Variants in PDE1A observed in about 807,000 individuals in gnomAD.
The protein encoded by PDE1A is phosphodiesterase 1A, also known as dual specificity calcium/calmodulin-dependent 3',5'-cyclic nucleotide phosphodiesterase 1A.
In PDE1A, 35 loss-of-function variants were observed where a neutral mutation model predicts 61.7. The ratio of observed to expected loss-of-function variants is 0.57; its 90% CI spans 0.43 to 0.75. The LOEUF (loss-of-function observed/expected upper bound fraction) is 0.75, where lower values mean the gene tolerates loss of function less well. Ranked by LOEUF, PDE1A falls within the 30% of genes least tolerant of loss-of-function variation. The pLI is 0.00. For synonymous variants in PDE1A, 232 were observed against 213.2 expected, an observed-to-expected ratio of 1.09 and a Z score of -0.77; for missense variants, 597 against 630.6, an observed-to-expected ratio of 0.95 and a Z score of 0.57.
At chr2:182,394,611 G>A (rs757222279) in intron 1 of PDE1A, among the ~76,000 whole-genome samples, 1 of 152,112 alleles carries the variant, frequency 6.6e-6, no homozygotes, top group African/African-American at 2.4e-5. Context: ...CATCAATATT[G>A]GTCCTCCAGT....
chr2:182,550,542 G>A, the PDE1A span, among the ~76,000 whole-genome samples: 5 of 152,058 alleles, frequency 3.3e-5, no homozygotes, highest in African/African-American at 4.8e-5. Context: ...CTTTAATTCC[G>A]TTCTACTGAA....
At chr2:182,213,100 T>C (rs1687801853) in intron 7 of PDE1A, among the ~76,000 whole-genome samples, 1 of 150,282 alleles carries the variant, frequency 6.7e-6, no homozygotes, top group Non-Finnish European at 1.5e-5. Context: ...CTCAAGTGGG[T>C]CCCTGACCCC....
intron 2 of PDE1A, among the ~76,000 whole-genome samples, chr2:182,478,113 C>T (rs372959145): frequency 4.6e-5 from 7 of 151,964 alleles, no homozygotes; most frequent in East Asian, 3.9e-4. Context: ...AACGTGAAAA[C>T]GATCCATTGC....
At chr2:182,494,698 C>A (rs1160017567) in intron 2 of PDE1A, among the ~76,000 whole-genome samples, 1 of 150,668 alleles carries the variant, frequency 6.6e-6, no homozygotes, top group Non-Finnish European at 1.5e-5. Context: ...TTTTTTTTTT[C>A]AAAGCGAAGA....
At chr2:182,264,883 A>ATATATATATATATATG (rs1364309893) in intron 1 of PDE1A, among the ~76,000 whole-genome samples, 4 of 138,314 alleles carry the variant, frequency 2.9e-5, no homozygotes, top group Middle Eastern at 3.7e-3. Flanking sequence ...ATATACATAT[A>ATATATATATATATATG]TATATATATG....
chr2:182,289,416 A>G (rs1694377544), intron 1 of PDE1A, among the ~76,000 whole-genome samples: 1 of 152,128 alleles, frequency 6.6e-6, no homozygotes, highest in Non-Finnish European at 1.5e-5. Context: ...CCAGCTTCAC[A>G]TAAAAGACAC....
At chr2:182,589,211 AAGAAAG>A in the PDE1A span, among the ~76,000 whole-genome samples, 125 of 150,178 alleles carry the variant, frequency 8.3e-4, no homozygotes, top group African/African-American at 2.9e-3. Flanking sequence ...GAAAGAGGGA[AAGAAAG>A]AGAAAGAAAA....
At chr2:182,194,503 A>C (rs1475156546) in intron 10 of PDE1A, among the ~76,000 whole-genome samples, 1 of 152,156 alleles carries the variant, frequency 6.6e-6, no homozygotes, top group Non-Finnish European at 1.5e-5. Flanking sequence ...AATTGTATTA[A>C]TAAATATCAC....
At chr2:182,320,708 A>G (rs1208374769) in intron 1 of PDE1A, among the ~76,000 whole-genome samples, 1 of 152,200 alleles carries the variant, frequency 6.6e-6, no homozygotes, top group Non-Finnish European at 1.5e-5. Context: ...AGCTAACTTC[A>G]GTTGAATAAT....
At chr2:182,682,295 A>T in the PDE1A span, among the ~76,000 whole-genome samples, 1 of 152,214 alleles carries the variant, frequency 6.6e-6, no homozygotes, top group Non-Finnish European at 1.5e-5. Flanking sequence ...TCAGTTTCAA[A>T]TCTATCTTCC....
At chr2:182,555,105 C>CA in the PDE1A span, among the ~76,000 whole-genome samples, 9 of 152,306 alleles carry the variant, frequency 5.9e-5, no homozygotes, top group South Asian at 1.9e-3. Context: ...GGCAATGACT[C>CA]AAATGGCAAA....
intron 2 of PDE1A, among the ~76,000 whole-genome samples, chr2:182,440,260 T>C (rs978908896): frequency 9.2e-5 from 14 of 152,236 alleles, no homozygotes; most frequent in African/African-American, 2.9e-4. Context: ...GAAACTCACA[T>C]ATTCTGTGTT....
intron 13 of PDE1A, among the ~76,000 whole-genome samples, chr2:182,152,412 C>CTTTTTTTTTTTTTTTTTTTT (rs559392112): frequency 1.3e-5 from 1 of 75,292 alleles, no homozygotes; most frequent in Non-Finnish European, 2.4e-5. Flanking sequence ...TTTTTTTCCT[C>CTTTTTTTTTTTTTTTTTTTT]TTTTTTTTTT....
intron 6 of PDE1A, 75 bp downstream of exon 6, chr2:182,229,931 A>G: frequency 8.8e-7 from 1 of 1,130,524 alleles, no homozygotes; most frequent in Non-Finnish European, 1.3e-6. Context: ...CATTAAAGAG[A>G]CAATAGAAAC....
At chr2:182,324,858 G>A (rs1249260857) in intron 1 of PDE1A, among the ~76,000 whole-genome samples, 1 of 152,138 alleles carries the variant, frequency 6.6e-6, no homozygotes, top group African/African-American at 2.4e-5. Context: ...TCAGTCTTGA[G>A]CAATAAGTTC....
chr2:182,568,507 A>T, the PDE1A span, among the ~76,000 whole-genome samples: 4 of 152,178 alleles, frequency 2.6e-5, no homozygotes, highest in African/African-American at 9.6e-5. Context: ...TCTACTAAAA[A>T]TACAGAAAGT....
At chr2:182,166,505 G>T (rs553649632), downstream of PDE1A, among the ~76,000 whole-genome samples, 1 of 152,122 alleles carries the variant, frequency 6.6e-6, no homozygotes, top group Non-Finnish European at 1.5e-5. Flanking sequence ...GAAGGGGGTG[G>T]TCTAAGGCCT....
At chr2:182,233,580 A>G (rs546224894) in intron 4 of PDE1A, among the ~76,000 whole-genome samples, 341 of 152,316 alleles carry the variant, frequency 2.2e-3, no homozygotes, top group Middle Eastern at 3.4e-3. Context: ...AAGGAGTACA[A>G]TAAGTCAGAA....
At chr2:182,688,075 G>A in the PDE1A span, among the ~76,000 whole-genome samples, 9 of 152,316 alleles carry the variant, frequency 5.9e-5, no homozygotes, top group African/African-American at 2.2e-4. Flanking sequence ...AAGTGACAGG[G>A]AGAATGGAAC....
Sources: gnomAD v4.1 joint callset for allele counts (sites outside exome capture counted in the v4.1 genomes callset) on GRCh38, gnomAD v4.1.1 for gene constraint, MANE v1.5 for transcripts, NCBI Gene and HGNC (gene_info 2026-07-23, HGNC 2026-07-21) for gene names.